Variants in DISP3 observed in about 807,000 individuals in gnomAD.
The protein encoded by DISP3 is dispatched RND transporter family member 3, also known as protein dispatched homolog 3.
In DISP3, 101 loss-of-function variants were observed where a neutral mutation model predicts 135.3. The observed-to-expected ratio is 0.75, with a 90% CI of 0.64 to 0.88. DISP3 has a LOEUF of 0.88. DISP3 is among the 40% of genes least tolerant of loss of function. The pLI is 0.00. For synonymous variants in DISP3, 856 were observed against 817.0 expected (o/e 1.05, Z -0.81); for missense variants, 1,713 against 1,878.6 (o/e 0.91, Z 1.63).
chr1:11,491,457 C>T lies in DISP3; in HGVS notation c.-3-9533C>T, dbSNP rs184518264. ...TTTACAAAAAATTAAAAACAAAAAA[C>T]AAAAACAGCCAGGTGTGGTGGCATG... On this transcript the variant is annotated intron_variant, in intron 1 of 20. Transcript: ENST00000294484. The surrounding 1 kb of genome is among the most constrained non-coding windows in gnomAD (Gnocchi z 4.3). Among the ~76,000 whole-genome samples the T allele has an allele frequency of 3.8e-4, 58 of 152,082 alleles. No individual in the cohort carries two copies. The highest frequency in any genetic ancestry group is 1.3e-3 in the African/African-American group (52 of 41,484).
At chr1:11,484,517 C>T (rs2100352009) in intron 1 of DISP3, among the ~76,000 whole-genome samples, 1 of 152,334 alleles carries the variant, frequency 6.6e-6, no homozygotes. Context: ...GGGGCCATCC[C>T]CTGAGGGCAT....
chr1:11,481,592 T>C (rs1449705501), intron 1 of DISP3: 1 of 152,234 alleles, frequency 6.6e-6, no homozygotes, highest in Non-Finnish European at 1.5e-5. Flanking sequence ...TGGATCCTAG[T>C]CCGAGCTTAA....
rs192537815 is a variant in DISP3, at chr1:11,491,426, G to A, written c.-3-9564G>A. On this transcript the variant is annotated intron_variant, in intron 1 of 20. Transcript: ENST00000294484. The surrounding 1 kb of genome is among the most constrained non-coding windows in gnomAD (Gnocchi z 4.3). ...ATCAGCCTGGGCAACCTAGCAAAAC[G>A]CCATCTTTACAAAAAATTAAAAACA... Among the ~76,000 whole-genome samples, 1 of 152,054 alleles carries A rather than the reference G, an allele frequency of 6.6e-6. No individual in the cohort carries two copies. Among genetic ancestry groups the A allele is most frequent in the Admixed American group, 6.6e-5 (1 of 15,266 alleles).
rs1482085396 is a variant in DISP3 at position 11,520,765 on chromosome 1, T to G, written c.2279T>G (p.Phe760Cys). ...CCCGCCAGCCGGGCCCCGCTACTCT[T>G]CCGGCCTGATACCAACATCCAGGTG... ...LRPASRAPLLFRPDTNIQVLL... is the reference protein window; with the variant it reads ...LRPASRAPLLCRPDTNIQVLL... Residue 760 changes from phenylalanine to cysteine, a missense_variant, in exon 10 of 21, where the codon TTC (phenylalanine) becomes TGC (cysteine). Coordinates refer to ENST00000294484, the MANE Select transcript of DISP3 (RefSeq NM_020780.2). This position sits in a 1 kb window ranked among gnomAD's most constrained non-coding sequence, Gnocchi z 4.8. The G allele has an allele frequency of 1.9e-6, 3 of 1,613,558 alleles. No homozygotes were observed. The Admixed American group carries it at 5.0e-5, about 27-fold the overall frequency.
rs1304229444 is a variant in DISP3 at position 11,502,711 on chromosome 1, TC to T, written c.1131del (p.Tyr378ThrfsTer13). 6.2e-7 allele frequency: 1 copy of T among 1,614,182 alleles called. No homozygotes were observed. The highest frequency in any genetic ancestry group is 1.1e-5 in the South Asian group (1 of 91,078). On this transcript the variant is annotated frameshift_variant, in exon 3 of 21. Transcript: ENST00000294484. LOFTEE classifies it high-confidence loss of function. The part of the protein sequence containing the change: ...SLELAMTHPE[F>X]YWYVDEGLSA... Reference sequence around the variant, plus strand: ...GAGCTGGCCATGACTCACCCTGAGTTCTACTGGTATGTGGATGAGGGCCTCT... The same window carrying T: ...GAGCTGGCCATGACTCACCCTGAGTTTACTGGTATGTGGATGAGGGCCTCT...
At chr1:11,515,896 C>A in intron 5 of DISP3, 105 bp from the exon 6 acceptor site, 1 of 1,318,376 alleles carries the variant, frequency 7.6e-7, no homozygotes, top group Non-Finnish European at 1.0e-6. Flanking sequence ...ACTCCTGCAG[C>A]CTGACCTCCC....
intron 13 of DISP3, among the ~76,000 whole-genome samples, chr1:11,528,762 G>T (rs115068043): frequency 6.6e-6 from 1 of 152,174 alleles, no homozygotes; most frequent in Non-Finnish European, 1.5e-5. Flanking sequence ...GGTGATGCAC[G>T]GGGACTGTGG....
rs984485456 is a variant in DISP3 at position 11,520,234 on chromosome 1, G to C, written c.2200+354G>C. 3.3e-5 allele frequency among the ~76,000 whole-genome samples: 5 copies of C among 152,168 alleles called. No individual in the cohort carries two copies. The highest frequency in any genetic ancestry group is 7.2e-5 in the African/African-American group (3 of 41,430). On this transcript the variant is annotated intron_variant, in intron 9 of 20. Transcript: ENST00000294484. This position sits in a 1 kb window ranked among gnomAD's most constrained non-coding sequence, Gnocchi z 4.8. Reference sequence around the variant, plus strand: ...ACTCAGTTCCTATTCTGTAATTGAGGATGAGAACGGTGGCTAGGAAGGCAG... The same window carrying C: ...ACTCAGTTCCTATTCTGTAATTGAGCATGAGAACGGTGGCTAGGAAGGCAG...
At position 11,529,584 on chromosome 1, in the gene DISP3, C is replaced by T. The variant is rs762626732; in HGVS notation, c.2827C>T (p.Pro943Ser). The change falls in exon 14 of 21, where the codon CCC (proline) becomes TCC (serine). Residue 943 changes from proline (P) to serine (S), a missense_variant. This residue lies in a region of DISP3 where 1,142 missense variants were observed against 1,384.6 expected (regional missense o/e 0.82). Coordinates refer to ENST00000294484, the MANE Select transcript of DISP3 (RefSeq NM_020780.2). This position sits in a 1 kb window ranked among gnomAD's most constrained non-coding sequence, Gnocchi z 4.7. ...RKLYFAQSHK[P>S]PFHGRVCMAP... The stretch of plus-strand genomic sequence containing the variant: ...GCTGTACTTCGCCCAGTCCCACAAG[C>T]CCCCCTTCCACGGGCGCGTATGCAT... 6 of 1,594,686 alleles carry T rather than the reference C, an allele frequency of 3.8e-6. No homozygotes were observed. The highest frequency in any genetic ancestry group is 5.1e-6 in the Non-Finnish European group (6 of 1,167,174).
At chr1:11,505,107 G>A (rs1381395347) in intron 3 of DISP3, among the ~76,000 whole-genome samples, 1 of 152,184 alleles carries the variant, frequency 6.6e-6, no homozygotes, top group Admixed American at 6.5e-5. Flanking sequence ...AACAACATCG[G>A]CATCACCTAG....
In DISP3 at chr1:11,523,964, C is replaced by T. The variant is rs532518444; in HGVS notation, c.2385C>T (p.His795=). The T allele has an allele frequency of 3.7e-6, 6 of 1,612,880 alleles. No individual in the cohort carries two copies. In the African/African-American group the frequency reaches 4.0e-5, roughly 11 times the overall value. The change falls in exon 11 of 21, where the codon CAC becomes CAT. Residue 795 remains histidine, a synonymous_variant. Transcript: ENST00000294484. ...CAGGTCTGTTCCAGGAGAAGCCCCA[C>T]AGCCTGCAGAACAACATCCGGACGT... The part of the protein sequence containing the change: ...TCSGLFQEKP[H]SLQNNIRTSL...
intron 10 of DISP3, among the ~76,000 whole-genome samples, chr1:11,522,626 AG>A (rs1455701142): frequency 1.9e-5 from 1 of 53,346 alleles, no homozygotes; most frequent in Middle Eastern, 8.5e-3. Flanking sequence ...GGACCCAGCC[AG>A]AGCCCAGCCA....
At chr1:11,514,310 T>A in intron 3 of DISP3, 80 bp from the exon 4 acceptor site, 3 of 1,472,264 alleles carry the variant, frequency 2.0e-6, no homozygotes, top group Non-Finnish European at 2.8e-6. Context: ...CTCCTGATAC[T>A]CCTCTACATG....
Position 11,501,088 on chromosome 1 carries a change from G to A in DISP3, c.96G>A (p.Gln32=). The A allele has an allele frequency of 6.2e-7, 1 of 1,614,168 alleles. No homozygotes were observed. Among genetic ancestry groups the A allele is most frequent in the Non-Finnish European group, 8.5e-7 (1 of 1,180,018 alleles). Reference sequence around the variant, plus strand: ...CGGGTGAAACCTTTTTAGGGGCCCAGAAGCCAGGGCCCCAACCTGGGGCAG... The same window carrying A: ...CGGGTGAAACCTTTTTAGGGGCCCAAAAGCCAGGGCCCCAACCTGGGGCAG... ...EATGETFLGA[Q]KPGPQPGAGG... is the part of the protein sequence containing the mutation. The change falls in exon 2 of 21, where the codon CAG becomes CAA. Residue 32 remains glutamine, a synonymous_variant. Transcript: ENST00000294484. The surrounding 1 kb of genome is among the most constrained non-coding windows in gnomAD (Gnocchi z 4.9).
At position 11,502,095 on chromosome 1, in the gene DISP3, C is replaced by T. The variant is rs536582999; in HGVS notation, c.1096+7C>T. On this transcript the variant is annotated splice_region_variant and intron_variant, in intron 2 of 20. Transcript: ENST00000294484. Reference sequence around the variant, plus strand: ...GACCTGGCGGACATCCGGGGTGAGCCGCCGGGATGCTGGGAGGGGGCGTAG... The same window carrying T: ...GACCTGGCGGACATCCGGGGTGAGCTGCCGGGATGCTGGGAGGGGGCGTAG... 12 of 1,539,670 alleles carry T rather than the reference C, an allele frequency of 7.8e-6. 1 individual carries two copies. The Admixed American group carries it at 1.4e-4, about 18-fold the overall frequency.
At chr1:11,513,127 TAA>T (rs1195286281) in intron 3 of DISP3, among the ~76,000 whole-genome samples, 1 of 151,324 alleles carries the variant, frequency 6.6e-6, no homozygotes, top group African/African-American at 2.4e-5. Flanking sequence ...TACTAAAAAA[TAA>T]AAAAAATCGG....
rs1642565342 is a variant in DISP3, at chr1:11,531,089, G to A, written c.3229+56G>A. ...GAGGGAGGATGGACTGACTGGGGAGGCACAGAGGCCGTGGTCCAAGGTAGA... is the reference window on the plus strand; with the variant it reads ...GAGGGAGGATGGACTGACTGGGGAGACACAGAGGCCGTGGTCCAAGGTAGA... On this transcript the variant is annotated intron_variant, in intron 16 of 20. Coordinates refer to ENST00000294484, the MANE Select transcript of DISP3 (RefSeq NM_020780.2). This position sits in a 1 kb window ranked among gnomAD's most constrained non-coding sequence, Gnocchi z 5.2. The A allele has an allele frequency of 1.2e-6, 2 of 1,603,436 alleles. No homozygotes were observed. The highest frequency in any genetic ancestry group is 2.2e-5 in the East Asian group (1 of 44,796).
rs188522165 is a variant in DISP3 at position 11,518,870 on chromosome 1, G to A, written c.1890-485G>A. On this transcript the variant is annotated intron_variant, in intron 7 of 20. Transcript: ENST00000294484. ...GGTATTAGCCACACACACAGCGCTC[G>A]TATCAGCCGTGAGGATTATTCTGGT... Among the ~76,000 whole-genome samples the A allele has an allele frequency of 2.4e-3, 373 of 152,246 alleles. 2 individuals are homozygous for A. The highest frequency in any genetic ancestry group is 8.5e-3 in the African/African-American group (355 of 41,532).
chr1:11,495,380 G>T (rs963238140), intron 1 of DISP3, among the ~76,000 whole-genome samples: 1 of 152,124 alleles, frequency 6.6e-6, no homozygotes. Context: ...GACAGAGCGA[G>T]ACTCTGTCTC....
Sources: allele counts gnomAD v4.1 joint callset (sites outside exome capture counted in the v4.1 genomes callset), GRCh38; gene constraint gnomAD v4.1.1; regional missense constraint gnomAD v4.1.1; non-coding constraint Gnocchi (gnomAD v3.1); transcripts MANE v1.5; gene names NCBI Gene and HGNC (gene_info 2026-07-23, HGNC 2026-07-21).